The following RBM5 variants were observed in gnomAD, a reference collection of about 807,000 sequenced individuals.
RBM5 encodes RNA binding motif protein 5.
In RBM5, 15 loss-of-function variants were observed where a neutral mutation model predicts 124.6. That is an observed-to-expected ratio of 0.12 (90% CI 0.08 to 0.19). The LOEUF is 0.19. Among genes scored for constraint, RBM5 ranks in the 10% least tolerant of loss-of-function variants. The pLI is 1.00. For missense variants in RBM5, 580 were observed against 1,026.5 expected (o/e 0.57, Z 5.94); for synonymous variants, 337 against 361.2 (o/e 0.93, Z 0.76).
intron 13 of RBM5, 27 bp from the exon 14 acceptor site, chr3:50,108,205 C>T (rs762068838): frequency 8.1e-6 from 13 of 1,605,900 alleles, no homozygotes; most frequent in Non-Finnish European, 1.1e-5. Flanking sequence ...CTGAGAATAG[C>T]AGCTTTAATG....
chr3:50,118,105 T>G, intron 24 of RBM5: 2 of 574,262 alleles, frequency 3.5e-6, no homozygotes, highest in Non-Finnish European at 6.1e-6. Flanking sequence ...TGAGCAGGCA[T>G]TGAGGGGTGG....
In RBM5 at chr3:50,118,719, T is replaced by C. The variant is rs1575345470; in HGVS notation, c.*263T>C. 2.0e-6 allele frequency: 1 copy of C among 500,118 alleles called. No homozygotes were observed. Among genetic ancestry groups the C allele is most frequent in the East Asian group, 3.5e-5 (1 of 28,840 alleles). 31.0% of individuals were successfully genotyped at this position (500,118 alleles called of 1,614,324 possible). The stretch of plus-strand genomic sequence containing the variant: ...ATTGTTTATACTCCAGTGTACATAG[T>C]GTAATGTAGCGTGTTTACATGTGTA... On this transcript the variant is annotated 3_prime_UTR_variant, in exon 25 of 25. Transcript: ENST00000347869.
At chr3:50,091,554 A>G (rs1383899374) in intron 2 of RBM5, among the ~76,000 whole-genome samples, 1 of 152,012 alleles carries the variant, frequency 6.6e-6, no homozygotes, top group Non-Finnish European at 1.5e-5. Context: ...CCTGATGGGG[A>G]AAAAAAAGAC....
intron 8 of RBM5, 24 bp downstream of exon 8, chr3:50,104,332 C>G: frequency 6.2e-7 from 1 of 1,609,128 alleles, no homozygotes; most frequent in African/African-American, 1.3e-5. Context: ...CAGCTGTTTG[C>G]AATATGCATT....
At chr3:50,108,406 CTGTAAGAT>C in intron 14 of RBM5, 102 bp downstream of exon 14, 4 of 1,201,742 alleles carry the variant, frequency 3.3e-6, no homozygotes, top group Non-Finnish European at 4.9e-6. Flanking sequence ...GTCCATTTCT[CTGTAAGAT>C]TGTAGGGGGC....
intron 10 of RBM5, among the ~76,000 whole-genome samples, chr3:50,106,057 A>G (rs1411526216): frequency 7.2e-6 from 1 of 137,988 alleles, no homozygotes; most frequent in Non-Finnish European, 1.5e-5. Flanking sequence ...GGTTCAAGCG[A>G]TTCTCCTGCC....
intron 20 of RBM5, chr3:50,114,609 G>A (rs2091208746): frequency 4.9e-6 from 1 of 205,844 alleles, no homozygotes. Flanking sequence ...TTGTATTTGG[G>A]ATTTTTATTT....
chr3:50,114,161 C>T lies in RBM5; in HGVS notation c.1768-19C>T. The T allele has an allele frequency of 6.2e-7, 1 of 1,614,100 alleles. No homozygotes were observed. The highest frequency in any genetic ancestry group is 1.3e-5 in the African/African-American group (1 of 75,066). The stretch of plus-strand genomic sequence containing the variant: ...CTTACCTAAAACTTGAGTCTCATGG[C>T]TTGTCCTCTGTTTCCCAGGGAGCCT... On this transcript the variant is annotated intron_variant, in intron 19 of 24. Transcript: ENST00000347869.
In RBM5 at chr3:50,117,516, C is replaced by G; in HGVS notation, c.2322+137C>G. 1 of 1,248,216 alleles carries G rather than the reference C, an allele frequency of 8.0e-7. No homozygotes were observed. Among genetic ancestry groups the G allele is most frequent in the Non-Finnish European group, 1.1e-6 (1 of 905,380 alleles). The allele number at this position is 1,248,216 out of a possible 1,614,324, so 77.3% of individuals were successfully genotyped here. Reference sequence around the variant, plus strand: ...AAGGGGCAGATTACAGGCATGAGCTCACACCTGTAATCCCAGCACTTTGGG... The same window carrying G: ...AAGGGGCAGATTACAGGCATGAGCTGACACCTGTAATCCCAGCACTTTGGG... On this transcript the variant is annotated intron_variant, in intron 24 of 24. Coordinates refer to ENST00000347869, the MANE Select transcript of RBM5 (RefSeq NM_005778.4). The surrounding 1 kb of genome is among the most constrained non-coding windows in gnomAD (Gnocchi z 4.2).
chr3:50,092,818 G>A (rs917806888), intron 3 of RBM5: 1 of 424,416 alleles, frequency 2.4e-6, no homozygotes, highest in South Asian at 1.7e-5. Flanking sequence ...GGAGGCCGAG[G>A]CAGGAGGATC....
chr3:50,089,525 C>A (rs1196151456), intron 1 of RBM5, among the ~76,000 whole-genome samples: 3 of 152,246 alleles, frequency 2.0e-5, no homozygotes, highest in East Asian at 3.8e-4. Context: ...GCCGCCATCT[C>A]GGCCGCGAGA....
At chr3:50,110,532 T>A (rs2091125440) in intron 16 of RBM5, 69 bp downstream of exon 16, 1 of 1,516,830 alleles carries the variant, frequency 6.6e-7, no homozygotes, top group Non-Finnish European at 9.1e-7. Context: ...TAATGAGAGT[T>A]CTTCTCCCTT....
chr3:50,093,588 G>T (rs954925955), intron 3 of RBM5, 132 bp from the exon 4 acceptor site: 4 of 942,412 alleles, frequency 4.2e-6, no homozygotes, highest in Non-Finnish European at 6.0e-6. Context: ...AAAAAAAATT[G>T]CAGTGAACAT....
rs1575320269 is a variant in RBM5 at position 50,105,156 on chromosome 3, C to CGCGT, written c.694+15_694+16insCGTG. The stretch of plus-strand genomic sequence containing the variant: ...ACTACTGTGATAGTAAGTTCATACA[C>CGCGT]GATCTTTTGGTCTTCATGTTAAAAA... On this transcript the variant is annotated intron_variant, in intron 9 of 24. Transcript: ENST00000347869. 2.6e-6 allele frequency: 4 copies of CGCGT among 1,564,046 alleles called. No homozygotes were observed. In the East Asian group the frequency reaches 9.0e-5, roughly 35 times the overall value.
chr3:50,108,390 C>G, intron 14 of RBM5, 86 bp downstream of exon 14: 1 of 1,272,754 alleles, frequency 7.9e-7, no homozygotes, highest in Non-Finnish European at 1.1e-6. Flanking sequence ...GGACCAAAAG[C>G]TACAAGTCCA....
chr3:50,092,794 A>C lies in RBM5; in HGVS notation c.183+586A>C, dbSNP rs988380485. The C allele has an allele frequency of 1.1e-5, 5 of 443,942 alleles. No homozygotes were observed. The Admixed American group carries it at 1.2e-4, about 11-fold the overall frequency. The allele number at this position is 443,942 out of a possible 1,614,324, so 27.5% of individuals were successfully genotyped here. ...CCAGGCACAGTGGCTCACACCTGTA[A>C]TCCCAACAATTTGGGAGGCCGAGGC... On this transcript the variant is annotated intron_variant, in intron 3 of 24. Transcript: ENST00000347869.
chr3:50,107,516 G>A lies in RBM5; in HGVS notation c.988G>A (p.Ala330Thr). Residue 330 changes from alanine (A) to threonine (T), a missense_variant, in exon 12 of 25, where the codon GCT becomes ACT. By Grantham distance (58) the Ala-to-Thr change is moderately conservative. Transcript: ENST00000347869. ...LVLSDGNRVS[A>T]FSVASTAIAA... Reference sequence around the variant, plus strand: ...CCTCTCAGATGGTAACCGCGTCAGCGCTTTCTCTGTAGCTAGTACGGCTAT... The same window carrying A: ...CCTCTCAGATGGTAACCGCGTCAGCACTTTCTCTGTAGCTAGTACGGCTAT... The A allele has an allele frequency of 6.2e-7, 1 of 1,609,914 alleles. No homozygotes were observed. Among genetic ancestry groups the A allele is most frequent in the Non-Finnish European group, 8.5e-7 (1 of 1,176,308 alleles).
chr3:50,115,948 G>A lies in RBM5; in HGVS notation c.2062G>A (p.Glu688Lys). 6.2e-7 allele frequency: 1 copy of A among 1,614,044 alleles called. No individual in the cohort carries two copies. The highest frequency in any genetic ancestry group is 8.5e-7 in the Non-Finnish European group (1 of 1,179,878). ...IYRRSRLSEQELEALELRERE... is the reference protein window; with the variant it reads ...IYRRSRLSEQKLEALELRERE... ...TCGACGATCCAGGCTGAGCGAGCAGGAGCTGGAAGCCTTGGAGCTAAGGGA... is the reference window on the plus strand; with the variant it reads ...TCGACGATCCAGGCTGAGCGAGCAGAAGCTGGAAGCCTTGGAGCTAAGGGA... The change falls in exon 22 of 25, where the codon GAG becomes AAG. Residue 688 changes from glutamate to lysine, a missense_variant. Glu to Lys is a moderately conservative substitution (Grantham distance 56). Coordinates refer to ENST00000347869, the MANE Select transcript of RBM5 (RefSeq NM_005778.4).
chr3:50,108,348 C>T, intron 14 of RBM5, 44 bp downstream of exon 14: 2 of 1,495,556 alleles, frequency 1.3e-6, no homozygotes, highest in Non-Finnish European at 1.9e-6. Context: ...TAAGCACTTA[C>T]AGTTGAAGAA....
Sources: allele counts gnomAD v4.1 joint callset (sites outside exome capture counted in the v4.1 genomes callset), GRCh38; gene constraint gnomAD v4.1.1; non-coding constraint Gnocchi (gnomAD v3.1); transcripts MANE v1.5; gene names NCBI Gene and HGNC (gene_info 2026-07-23, HGNC 2026-07-21).